Variants in TRPM3 observed in about 807,000 individuals in gnomAD.
TRPM3 encodes long transient receptor potential channel 3.
Under a neutral mutation model 181.2 loss-of-function variants are expected in TRPM3, and 77 were observed. That is an observed-to-expected ratio of 0.42 (90% CI 0.35 to 0.51). The LOEUF (loss-of-function observed/expected upper bound fraction) is 0.51. TRPM3 is among the 20% of genes least tolerant of loss of function. TRPM3 has a pLI of 0.01. For missense variants in TRPM3, 1,759 were observed against 2,196.7 expected, an observed-to-expected ratio of 0.80 and a Z score of 3.98; for synonymous variants, 745 against 796.4, an observed-to-expected ratio of 0.94 and a Z score of 1.09.
intron 1 of TRPM3, among the ~76,000 whole-genome samples, chr9:70,942,084 TCATA>T (rs2096891228): frequency 1.3e-5 from 2 of 152,172 alleles, no homozygotes; most frequent in South Asian, 4.1e-4. Flanking sequence ...GACAAATGTA[TCATA>T]CAGTTTGGGT....
intron 6 of TRPM3, among the ~76,000 whole-genome samples, chr9:70,785,856 A>G (rs1169692457): frequency 2.6e-5 from 4 of 152,198 alleles, no homozygotes; most frequent in African/African-American, 9.7e-5. Context: ...TCCACTTAAA[A>G]CACGTAAAAG....
intron 8 of TRPM3, among the ~76,000 whole-genome samples, chr9:70,699,598 T>C (rs766946359): frequency 1.1e-4 from 16 of 152,300 alleles, no homozygotes; most frequent in South Asian, 2.1e-4. Flanking sequence ...CTCACACCAA[T>C]CCTGTGAGGC....
chr9:70,536,717 G>A lies in TRPM3; in HGVS notation c.4396C>T (p.Pro1466Ser), dbSNP rs562919997. The A allele has an allele frequency of 1.2e-6, 2 of 1,614,192 alleles. No homozygotes were observed. The highest frequency in any genetic ancestry group is 1.3e-5 in the African/African-American group (1 of 75,042). The change falls in exon 26 of 26, where the codon CCT becomes TCT. Residue 1466 changes from proline (P) to serine (S), a missense_variant. Physicochemically the swap from Pro to Ser is moderately conservative, Grantham distance 74. Coordinates refer to ENST00000677713, the MANE Select transcript of TRPM3 (RefSeq NM_001366145.2). ...AYATLAPTDRPPSRSIDFEDI... is the reference protein window; with the variant it reads ...AYATLAPTDRSPSRSIDFEDI... ...TCAAAATCAATGCTCCGGCTTGGAG[G>A]TCTGTCTGTGGGTGCAAGTGTTGCA...
intron 1 of TRPM3, among the ~76,000 whole-genome samples, chr9:70,900,225 C>T (rs901599603): frequency 3.2e-4 from 49 of 152,256 alleles, no homozygotes; most frequent in African/African-American, 1.1e-3. Context: ...TTATTACACT[C>T]AGCTACTCGG....
At chr9:71,423,630 A>C (rs962912978) in intron 1 of TRPM3, among the ~76,000 whole-genome samples, 7 of 152,134 alleles carry the variant, frequency 4.6e-5, no homozygotes, top group Non-Finnish European at 1.0e-4. Context: ...ACAAGAAAAC[A>C]AAGTGCATTA....
At chr9:70,780,833 T>C (rs1182201420) in intron 7 of TRPM3, among the ~76,000 whole-genome samples, 1 of 152,176 alleles carries the variant, frequency 6.6e-6, no homozygotes, top group Non-Finnish European at 1.5e-5. Flanking sequence ...CTTAAAATTT[T>C]TAAAGTTTTA....
At chr9:70,644,516 G>A (rs1455998460) in intron 9 of TRPM3, among the ~76,000 whole-genome samples, 1 of 152,064 alleles carries the variant, frequency 6.6e-6, no homozygotes, top group Admixed American at 6.5e-5. Flanking sequence ...ACCCCTTCAT[G>A]CTAAAAACTC....
intron 1 of TRPM3, among the ~76,000 whole-genome samples, chr9:71,370,145 T>C (rs2092464310): frequency 6.6e-6 from 1 of 152,122 alleles, no homozygotes; most frequent in African/African-American, 2.4e-5. Flanking sequence ...TCTGTTTCTT[T>C]CCCTCTCCGT....
chr9:71,257,624 A>G (rs1480419705), intron 1 of TRPM3, among the ~76,000 whole-genome samples: 1 of 152,192 alleles, frequency 6.6e-6, no homozygotes, highest in Non-Finnish European at 1.5e-5. Flanking sequence ...TCTACAACTT[A>G]TATAAAGTGA....
chr9:71,035,738 A>G (rs1177550490), intron 1 of TRPM3, among the ~76,000 whole-genome samples: 2 of 152,116 alleles, frequency 1.3e-5, no homozygotes, highest in Non-Finnish European at 2.9e-5. Context: ...AATAAATAAA[A>G]TAAAAAATAA....
At chr9:71,304,910 C>T (rs552124605) in intron 1 of TRPM3, among the ~76,000 whole-genome samples, 1 of 152,270 alleles carries the variant, frequency 6.6e-6, no homozygotes, top group East Asian at 1.9e-4. Flanking sequence ...CCAAGAGCTT[C>T]TGAGACACCA....
intron 1 of TRPM3, among the ~76,000 whole-genome samples, chr9:71,041,157 T>C (rs1243344961): frequency 1.3e-5 from 2 of 152,132 alleles, no homozygotes; most frequent in African/African-American, 4.8e-5. Flanking sequence ...GGTAGAGGTA[T>C]ACTATGTCTG....
At chr9:71,290,368 AATTATATTGAAT>A (rs1378447453) in intron 1 of TRPM3, among the ~76,000 whole-genome samples, 1 of 152,176 alleles carries the variant, frequency 6.6e-6, no homozygotes, top group East Asian at 1.9e-4. Flanking sequence ...AATGAAAAAG[AATTATATTGAAT>A]ATTGATTTCT....
intron 9 of TRPM3, among the ~76,000 whole-genome samples, chr9:70,643,362 A>ACCCAAGTC (rs1291255992): frequency 6.6e-6 from 1 of 152,166 alleles, no homozygotes; most frequent in African/African-American, 2.4e-5. Flanking sequence ...TGTATGTTGC[A>ACCCAAGTC]AATTAGTATG....
intron 1 of TRPM3, among the ~76,000 whole-genome samples, chr9:71,331,580 C>T (rs1484409767): frequency 1.3e-5 from 2 of 150,038 alleles, no homozygotes; most frequent in Non-Finnish European, 3.0e-5. Flanking sequence ...ATGCTTTTTA[C>T]ATTTCTTATC....
chr9:70,580,603 C>T (rs546634598), intron 22 of TRPM3, among the ~76,000 whole-genome samples: 16 of 152,290 alleles, frequency 1.1e-4, no homozygotes, highest in East Asian at 5.8e-4. Flanking sequence ...CTCATATCTC[C>T]GTTCTCTCTG....
At chr9:70,906,427 T>C (rs2096465254) in intron 1 of TRPM3, among the ~76,000 whole-genome samples, 1 of 152,206 alleles carries the variant, frequency 6.6e-6, no homozygotes, top group African/African-American at 2.4e-5. Context: ...CAAAGGCAGA[T>C]AGGGCTGGTG....
chr9:70,589,127 A>G (rs146563012), intron 22 of TRPM3, among the ~76,000 whole-genome samples: 34 of 152,346 alleles, frequency 2.2e-4, no homozygotes, highest in Non-Finnish European at 4.9e-4. Context: ...CCACAGATCT[A>G]ATTAACAGTG....
chr9:70,786,582 C>T (rs2130895561), intron 6 of TRPM3, among the ~76,000 whole-genome samples: 1 of 152,272 alleles, frequency 6.6e-6, no homozygotes, highest in South Asian at 2.1e-4. Flanking sequence ...ATAAAAATAT[C>T]CACCCCATAG....
Sources: allele counts gnomAD v4.1 joint callset (sites outside exome capture counted in the v4.1 genomes callset), GRCh38; gene constraint gnomAD v4.1.1; transcripts MANE v1.5; gene names NCBI Gene and HGNC (gene_info 2026-07-23, HGNC 2026-07-21).